PFDN1: variants seen among roughly 807,000 people sequenced by gnomAD.
PFDN1 encodes the protein prefoldin 1.
Under a neutral mutation model 17.3 loss-of-function variants are expected in PFDN1, and 6 were observed. That is an observed-to-expected ratio of 0.35 (90% confidence interval 0.19 to 0.69). The LOEUF (loss-of-function observed/expected upper bound fraction) is 0.69, where lower values mean the gene tolerates loss of function less well. Among genes scored for constraint, PFDN1 ranks in the 30% least tolerant of loss-of-function variants. The pLI is 0.65. For missense variants in PFDN1, 113 were observed against 146.2 expected, an observed-to-expected ratio of 0.77 and a Z score of 1.17; for synonymous variants, 58 against 50.1, an observed-to-expected ratio of 1.16 and a Z score of -0.67.
intron 3 of PFDN1, among the ~76,000 whole-genome samples, chr5:140,279,242 A>G (rs1469809621): frequency 6.6e-6 from 1 of 152,088 alleles, no homozygotes; most frequent in Non-Finnish European, 1.5e-5. Flanking sequence ...ACAAAGTAAT[A>G]TTTTCATTGT....
chr5:140,277,689 C>A (rs1765317112), intron 3 of PFDN1, among the ~76,000 whole-genome samples: 1 of 150,726 alleles, frequency 6.6e-6, no homozygotes, highest in African/African-American at 2.4e-5. Context: ...GATCACCCAA[C>A]TACAAGCCAA....
chr5:140,276,519 G>A (rs1203121518), intron 3 of PFDN1, among the ~76,000 whole-genome samples: 3 of 152,122 alleles, frequency 2.0e-5, no homozygotes, highest in African/African-American at 7.2e-5. Flanking sequence ...GGTGGCTCAT[G>A]CCTGTAATCC....
At chr5:140,300,257 GC>G (rs1765722305) in intron 2 of PFDN1, among the ~76,000 whole-genome samples, 158 bp downstream of exon 2, 1 of 152,040 alleles carries the variant, frequency 6.6e-6, no homozygotes, top group African/African-American at 2.4e-5. Flanking sequence ...CCAACAGGCT[GC>G]CCTCAAGTGA....
intron 1 of PFDN1, 81 bp downstream of exon 1, chr5:140,302,960 C>T: frequency 7.0e-6 from 7 of 994,482 alleles, no homozygotes; most frequent in Non-Finnish European, 9.8e-6. Context: ...CTGCAAGGCT[C>T]GTGCCTCACT....
chr5:140,270,769 CA>C (rs1346065295), intron 3 of PFDN1, among the ~76,000 whole-genome samples: 3 of 151,768 alleles, frequency 2.0e-5, no homozygotes, highest in African/African-American at 7.3e-5. Flanking sequence ...TCTAAAAATA[CA>C]AAAAAATTAG....
At chr5:140,268,620 G>A (rs937425870) in intron 3 of PFDN1, among the ~76,000 whole-genome samples, 1 of 152,096 alleles carries the variant, frequency 6.6e-6, no homozygotes, top group Non-Finnish European at 1.5e-5. Context: ...ACTCCAGCCT[G>A]GGTGACAGAG....
intron 3 of PFDN1, among the ~76,000 whole-genome samples, chr5:140,278,587 A>AAAAAAAAAAAAAAC (rs1561508718): frequency 7.6e-6 from 1 of 131,784 alleles, no homozygotes. Context: ...AAAAAAAAAA[A>AAAAAAAAAAAAAAC]CAAAAAACAA....
At chr5:140,264,685 C>A (rs899327461) in intron 3 of PFDN1, among the ~76,000 whole-genome samples, 2 of 150,806 alleles carry the variant, frequency 1.3e-5, no homozygotes, top group Admixed American at 6.6e-5. Context: ...AAAAAAAAAA[C>A]ACAGAATTAA....
At chr5:140,287,977 T>C (rs1471856002) in intron 2 of PFDN1, among the ~76,000 whole-genome samples, 1 of 152,208 alleles carries the variant, frequency 6.6e-6, no homozygotes, top group Non-Finnish European at 1.5e-5. Context: ...TCTCATCCAC[T>C]GATGGTGGGA....
chr5:140,300,320 C>T lies in PFDN1; in HGVS notation c.200+96G>A, dbSNP rs565760342. 224 of 927,160 alleles carry T rather than the reference C, an allele frequency of 2.4e-4. 5 individuals are homozygous for T. The South Asian group carries it at 3.2e-3, about 13-fold the overall frequency. The allele number at this position is 927,160 out of a possible 1,614,324, so 57.4% of individuals were successfully genotyped here. A position where few individuals can be genotyped will look rare whatever the true frequency, so the allele number is the denominator to read the frequency against. On this transcript the variant is annotated intron_variant, in intron 2 of 3. Transcript: ENST00000261813. ...CCAGGATTACAGGCATGAGCCACCA[C>T]TCCTGGCCTAACCCAAGTTTTAAGA...
rs186261764 is a variant in PFDN1, at chr5:140,290,339, A to G, written c.201-8806T>C. On this transcript the variant is annotated intron_variant, in intron 2 of 3. Coordinates refer to ENST00000261813, the MANE Select transcript of PFDN1 (RefSeq NM_002622.5). Reference sequence around the variant, plus strand: ...TCCCATGAAGGTGACACCAGAAAACATGGCACTTTCTCACTCTGGTTGTTG... The same window carrying G: ...TCCCATGAAGGTGACACCAGAAAACGTGGCACTTTCTCACTCTGGTTGTTG... Among the ~76,000 whole-genome samples, 25 of 152,306 alleles carry G rather than the reference A, an allele frequency of 1.6e-4. No homozygotes were observed. In the East Asian group the frequency reaches 4.6e-3, roughly 28 times the overall value.
chr5:140,280,706 A>G (rs1765385864), intron 3 of PFDN1, among the ~76,000 whole-genome samples: 1 of 152,234 alleles, frequency 6.6e-6, no homozygotes, highest in African/African-American at 2.4e-5. Flanking sequence ...AAGTCAATGT[A>G]TCCACCCACA....
chr5:140,245,657 G>C lies in PFDN1; in HGVS notation c.*317C>G, dbSNP rs533434993. On this transcript the variant is annotated 3_prime_UTR_variant, in exon 4 of 4. Transcript: ENST00000261813. ...CAGAGTGGGACAGACGCTTTTTATT[G>C]GTCTGGCTGGCGTGCCTAGTGGAAA... The C allele has an allele frequency of 9.0e-6, 6 of 669,494 alleles. No individual in the cohort carries two copies. In the East Asian group the frequency reaches 1.6e-4, roughly 18 times the overall value. The allele number at this position is 669,494 out of a possible 1,614,324, so 41.5% of individuals were successfully genotyped here. A position where few individuals can be genotyped will look rare whatever the true frequency, so the allele number is the denominator to read the frequency against.
rs143599288 is a variant in PFDN1, at chr5:140,285,000, G to T, written c.201-3467C>A. Among the ~76,000 whole-genome samples the T allele has an allele frequency of 3.3e-3, 506 of 152,240 alleles. 4 individuals are homozygous for T. Among genetic ancestry groups the T allele is most frequent in the African/African-American group, 0.012 (487 of 41,534 alleles). ...ACAACTTCCACTTTCTTATAACTCA[G>T]TATGAATCAAAACCATTGTTCACCT... On this transcript the variant is annotated intron_variant, in intron 2 of 3. Coordinates refer to ENST00000261813, the MANE Select transcript of PFDN1 (RefSeq NM_002622.5).
At chr5:140,292,635 A>G (rs1399622402) in intron 2 of PFDN1, among the ~76,000 whole-genome samples, 1 of 152,164 alleles carries the variant, frequency 6.6e-6, no homozygotes, top group African/African-American at 2.4e-5. Flanking sequence ...GCAAAACAAG[A>G]GTTGGTAATA....
At chr5:140,295,540 A>T (rs1054389673) in intron 2 of PFDN1, among the ~76,000 whole-genome samples, 2 of 152,186 alleles carry the variant, frequency 1.3e-5, no homozygotes, top group African/African-American at 4.8e-5. Flanking sequence ...AAACAGCTTA[A>T]GTAGCAAAAC....
At chr5:140,285,372 C>T (rs912736410) in intron 2 of PFDN1, among the ~76,000 whole-genome samples, 1 of 151,704 alleles carries the variant, frequency 6.6e-6, no homozygotes, top group Non-Finnish European at 1.5e-5. Context: ...AAGAATGAGC[C>T]TATCTTGCTT....
At chr5:140,269,608 C>A (rs181012006) in intron 3 of PFDN1, among the ~76,000 whole-genome samples, 2 of 152,206 alleles carry the variant, frequency 1.3e-5, no homozygotes, top group Admixed American at 6.5e-5. Context: ...CGTGAGCCAC[C>A]GTGACCCGCC....
At chr5:140,297,977 G>A (rs777817575) in intron 2 of PFDN1, among the ~76,000 whole-genome samples, 1 of 152,084 alleles carries the variant, frequency 6.6e-6, no homozygotes, top group Non-Finnish European at 1.5e-5. Flanking sequence ...TAAGACCTAA[G>A]GATATTCACA....
Sources: gnomAD v4.1 joint callset for allele counts (sites outside exome capture counted in the v4.1 genomes callset) on GRCh38, gnomAD v4.1.1 for gene constraint, MANE v1.5 for transcripts, NCBI Gene and HGNC (gene_info 2026-07-23, HGNC 2026-07-21) for gene names.